NFX1: variants seen among roughly 807,000 people sequenced by gnomAD.
The protein encoded by NFX1 is transcriptional repressor NF-X1.
In NFX1, 69 loss-of-function variants were observed where a neutral mutation model predicts 137.2. That is an observed-to-expected ratio of 0.50 (90% CI 0.41 to 0.61). The LOEUF (loss-of-function observed/expected upper bound fraction) is 0.61. Ranked by LOEUF, NFX1 falls within the 20% of genes least tolerant of loss-of-function variation. The pLI is 0.00. For synonymous variants in NFX1, 495 were observed against 474.1 expected, an observed-to-expected ratio of 1.04 and a Z score of -0.57; for missense variants, 1,167 against 1,391.0, an observed-to-expected ratio of 0.84 and a Z score of 2.56.
intron 2 of NFX1, among the ~76,000 whole-genome samples, chr9:33,300,471 C>T (rs1049576602): frequency 6.6e-6 from 1 of 151,996 alleles, no homozygotes; most frequent in Non-Finnish European, 1.5e-5. Context: ...AAGCAAATAA[C>T]AATAATATTA....
At chr9:33,330,484 T>C (rs1477541198) in intron 10 of NFX1, among the ~76,000 whole-genome samples, 3 of 152,224 alleles carry the variant, frequency 2.0e-5, no homozygotes, top group Non-Finnish European at 4.4e-5. Flanking sequence ...CATTTTTGAA[T>C]GTCAGGTATG....
chr9:33,296,174 C>T (rs767110744), intron 2 of NFX1, among the ~76,000 whole-genome samples: 11 of 152,156 alleles, frequency 7.2e-5, no homozygotes, highest in Non-Finnish European at 1.2e-4. Flanking sequence ...TGATCCGCCT[C>T]GGCTTCCCAA....
intron 19 of NFX1, among the ~76,000 whole-genome samples, chr9:33,360,779 A>G (rs1389121413): frequency 2.0e-5 from 3 of 152,208 alleles, no homozygotes; most frequent in African/African-American, 4.8e-5. Flanking sequence ...ACATCAAAAG[A>G]TCTTCCCCTA....
chr9:33,353,637 G>C (rs1313096543), intron 17 of NFX1, among the ~76,000 whole-genome samples: 1 of 150,046 alleles, frequency 6.7e-6, no homozygotes, highest in Non-Finnish European at 1.5e-5. Context: ...GTAGTTCATA[G>C]TAGCCGGGCT....
At chr9:33,319,859 C>G (rs1032212955) in intron 9 of NFX1, among the ~76,000 whole-genome samples, 2 of 152,144 alleles carry the variant, frequency 1.3e-5, no homozygotes, top group Admixed American at 6.5e-5. Flanking sequence ...TTAGATCATT[C>G]AAGGAATGTC....
rs867495487 is a variant in NFX1 at position 33,367,564 on chromosome 9, G to A, written c.3235G>A (p.Glu1079Lys). The A allele has an allele frequency of 1.9e-6, 3 of 1,613,846 alleles. No individual in the cohort carries two copies. The African/African-American group carries it at 4.0e-5, about 22-fold the overall frequency. ...CACGCTGACAGGTGTGCTTGAAAGG[G>A]AAATGCAGGCACGGCCTCCACCACC... ...PTTLTGVLER[E>K]MQARPPPPIP... The change falls in exon 23 of 24, where the codon GAA (glutamate) becomes AAA (lysine). Residue 1079 changes from glutamate (E) to lysine (K), a missense_variant. Transcript: ENST00000379540.
intron 12 of NFX1, among the ~76,000 whole-genome samples, chr9:33,340,259 T>C (rs1384646184): frequency 6.6e-6 from 1 of 152,250 alleles, no homozygotes; most frequent in East Asian, 1.9e-4. Context: ...ACCTCAGTTA[T>C]TGATTTCTGT....
chr9:33,317,791 C>T (rs771050218), intron 7 of NFX1, among the ~76,000 whole-genome samples: 12 of 151,636 alleles, frequency 7.9e-5, no homozygotes, highest in African/African-American at 2.9e-4. Flanking sequence ...GCCTGGCCAA[C>T]GTGGTGAAAC....
intron 6 of NFX1, among the ~76,000 whole-genome samples, chr9:33,312,308 A>G (rs1285756610): frequency 6.6e-6 from 1 of 152,132 alleles, no homozygotes; most frequent in East Asian, 1.9e-4. Context: ...ACTGAACCTC[A>G]TTTTTCTTAT....
intron 19 of NFX1, among the ~76,000 whole-genome samples, chr9:33,355,641 CTTTTT>C (rs35866452): frequency 3.3e-5 from 3 of 92,208 alleles, no homozygotes; most frequent in African/African-American, 8.5e-5. Flanking sequence ...GTTAAGAATT[CTTTTT>C]TTTTTTTTTT....
At chr9:33,343,965 CT>C in intron 13 of NFX1, 103 bp from the exon 14 acceptor site, 1 of 1,489,486 alleles carries the variant, frequency 6.7e-7, no homozygotes. Flanking sequence ...ATAAATTCTC[CT>C]CTAAAAATAC....
At chr9:33,339,012 A>G (rs947903130) in intron 12 of NFX1, among the ~76,000 whole-genome samples, 2 of 152,176 alleles carry the variant, frequency 1.3e-5, no homozygotes, top group Non-Finnish European at 2.9e-5. Flanking sequence ...TTTTTTAAAA[A>G]GATTTTTTAA....
At chr9:33,357,326 G>A (rs2118662725) in intron 19 of NFX1, among the ~76,000 whole-genome samples, 2 of 151,628 alleles carry the variant, frequency 1.3e-5, no homozygotes, top group South Asian at 2.1e-4. Context: ...AATAAATAAA[G>A]TATATCAAAT....
intron 19 of NFX1, among the ~76,000 whole-genome samples, chr9:33,357,164 T>A (rs972144508): frequency 3.3e-5 from 5 of 151,986 alleles, no homozygotes; most frequent in Non-Finnish European, 7.4e-5. Flanking sequence ...TAGCCGGGCA[T>A]GGTGGCGGGC....
intron 12 of NFX1, among the ~76,000 whole-genome samples, chr9:33,341,353 G>A (rs944734965): frequency 2.0e-5 from 3 of 152,002 alleles, no homozygotes; most frequent in African/African-American, 4.8e-5. Flanking sequence ...AGAACAGCAC[G>A]GGAAAGACCT....
At chr9:33,318,261 GCTT>G (rs1346900483) in intron 7 of NFX1, among the ~76,000 whole-genome samples, 4 of 152,224 alleles carry the variant, frequency 2.6e-5, no homozygotes, top group Admixed American at 2.0e-4. Context: ...TGAAACCTGT[GCTT>G]CTTGGGTTGA....
At chr9:33,311,324 T>C in intron 6 of NFX1, 147 bp downstream of exon 6, 1 of 766,402 alleles carries the variant, frequency 1.3e-6, no homozygotes, top group Non-Finnish European at 2.2e-6. Flanking sequence ...TGAAAGTTTA[T>C]TAAAAAGCTT....
intron 14 of NFX1, among the ~76,000 whole-genome samples, chr9:33,346,403 C>T (rs1303718598): frequency 6.6e-6 from 1 of 151,970 alleles, no homozygotes; most frequent in African/African-American, 2.4e-5. Flanking sequence ...AGAAAAATAC[C>T]CTGTGACCTT....
chr9:33,369,121 A>G (rs1172181928), intron 23 of NFX1, among the ~76,000 whole-genome samples: 2 of 151,774 alleles, frequency 1.3e-5, no homozygotes, highest in African/African-American at 4.8e-5. Flanking sequence ...GCTGGAGTGC[A>G]GTGGCGCGAT....
Sources: gnomAD v4.1 joint callset for allele counts (sites outside exome capture counted in the v4.1 genomes callset) on GRCh38, gnomAD v4.1.1 for gene constraint, MANE v1.5 for transcripts, NCBI Gene and HGNC (gene_info 2026-07-23, HGNC 2026-07-21) for gene names.